DPY19L2: variants seen among roughly 807,000 people sequenced by gnomAD.
DPY19L2 encodes dpy-19 like 2, also known as probable C-mannosyltransferase DPY19L2.
A neutral mutation model predicts 97.9 loss-of-function variants in DPY19L2; 34 were observed. That is an observed-to-expected ratio of 0.35 (90% CI 0.26 to 0.46). The LOEUF is 0.46. Among genes scored for constraint, DPY19L2 ranks in the 20% least tolerant of loss-of-function variants. The probability of loss-of-function intolerance (pLI) is 1.00; values close to 1 mark genes in which losing one functional copy is unlikely to be tolerated. For missense variants in DPY19L2, 623 were observed against 911.4 expected (o/e 0.68, Z 4.07); for synonymous variants, 230 against 307.9 (o/e 0.75, Z 2.65).
chr12:63,626,452 CT>C lies in DPY19L2; in HGVS notation c.861+16del, dbSNP rs1565790642. Reference sequence around the variant, plus strand: ...AGCCTCTTCTATTTCTTAAAAATTGCTTTCTAGAAAACAAACCTCTCCATGG... The same window carrying C: ...AGCCTCTTCTATTTCTTAAAAATTGCTTCTAGAAAACAAACCTCTCCATGG... On this transcript the variant is annotated intron_variant, in intron 7 of 21. Transcript: ENST00000324472. 2 of 1,559,278 alleles carry C rather than the reference CT, an allele frequency of 1.3e-6. No homozygotes were observed. Among genetic ancestry groups the C allele is most frequent in the African/African-American group, 2.8e-5 (2 of 70,790 alleles).
chr12:63,614,895 T>TCCC (rs2137727313), intron 11 of DPY19L2, among the ~76,000 whole-genome samples: 1 of 152,130 alleles, frequency 6.6e-6, no homozygotes, highest in African/African-American at 2.4e-5. Context: ...CATCCTTGGG[T>TCCC]CCCAGACTGC....
At chr12:63,625,832 CTATACAACATTG>C (rs984275900) in intron 7 of DPY19L2, among the ~76,000 whole-genome samples, 1 of 151,838 alleles carries the variant, frequency 6.6e-6, no homozygotes, top group African/African-American at 2.4e-5. Flanking sequence ...TGGAGATCTG[CTATACAACATTG>C]TGTTAATACT....
chr12:63,578,419 C>T (rs1341526679), intron 19 of DPY19L2, among the ~76,000 whole-genome samples: 1 of 151,986 alleles, frequency 6.6e-6, no homozygotes, highest in Admixed American at 6.6e-5. Flanking sequence ...CTATAGTCAA[C>T]AAAATTTTAC....
chr12:63,574,326 T>C (rs972336199), intron 19 of DPY19L2, among the ~76,000 whole-genome samples: 1 of 151,486 alleles, frequency 6.6e-6, no homozygotes, highest in Non-Finnish European at 1.5e-5. Flanking sequence ...AAAATGGATG[T>C]ACAAAAAATA....
At chr12:63,628,024 A>C (rs1234082136) in intron 6 of DPY19L2, among the ~76,000 whole-genome samples, 1 of 152,204 alleles carries the variant, frequency 6.6e-6, no homozygotes, top group Non-Finnish European at 1.5e-5. Context: ...AGCAAGGACC[A>C]ATTGTCAATG....
chr12:63,623,050 T>C lies in DPY19L2; in HGVS notation c.953+990A>G, dbSNP rs555552994. Among the ~76,000 whole-genome samples the C allele has an allele frequency of 1.9e-3, 290 of 152,192 alleles. 1 individual carries two copies. The highest frequency in any genetic ancestry group is 6.5e-3 in the African/African-American group (270 of 41,534). Reference sequence around the variant, plus strand: ...CTCCCAGGGACTAGTAGGTGAAGAATGGGGTCCTCTGGGAGTTTGGAGGAG... The same window carrying C: ...CTCCCAGGGACTAGTAGGTGAAGAACGGGGTCCTCTGGGAGTTTGGAGGAG... On this transcript the variant is annotated intron_variant, in intron 8 of 21. Transcript: ENST00000324472.
chr12:63,630,246 G>A (rs1444729324), intron 6 of DPY19L2, among the ~76,000 whole-genome samples: 1 of 152,088 alleles, frequency 6.6e-6, no homozygotes, highest in Non-Finnish European at 1.5e-5. Context: ...TGGGCTAAAT[G>A]CTCCAATTAA....
intron 6 of DPY19L2, among the ~76,000 whole-genome samples, chr12:63,637,054 A>C (rs1319046341): frequency 1.3e-5 from 2 of 152,198 alleles, no homozygotes; most frequent in Non-Finnish European, 2.9e-5. Flanking sequence ...TCCTCAGCAA[A>C]TGTAAAAGAA....
Position 63,570,811 on chromosome 12 carries a change from C to T in DPY19L2, c.1947G>A (p.Leu649=). 1 of 1,610,062 alleles carries T rather than the reference C, an allele frequency of 6.2e-7. No homozygotes were observed. Among genetic ancestry groups the T allele is most frequent in the African/African-American group, 1.4e-5 (1 of 74,054 alleles). Residue 649 remains leucine (L), a synonymous_variant, in exon 20 of 22, where the codon CTG becomes CTA. Coordinates refer to ENST00000324472, the MANE Select transcript of DPY19L2 (RefSeq NM_173812.5). The part of the protein sequence containing the change: ...GAMPTMASIK[L]STLHPIVNHP... ...GATTCACAATGGGATGAAGTGTAGA[C>T]AGCTTGATGCTTGCCATTGTAGGCA...
Position 63,580,675 on chromosome 12 carries a change from G to A in DPY19L2, c.1887C>T (p.Tyr629=). 6.2e-7 allele frequency: 1 copy of A among 1,612,390 alleles called. No individual in the cohort carries two copies. Among genetic ancestry groups the A allele is most frequent in the Non-Finnish European group, 8.5e-7 (1 of 1,179,240 alleles). Residue 629 remains tyrosine, a synonymous_variant, in exon 19 of 22, where the codon TAC becomes TAT. Transcript: ENST00000324472. The part of the protein sequence containing the change: ...PQEELLQWIK[Y]STTSDAVFAG... ...ATACCTACACACCTGATGTGGTACT[G>A]TATTTGATCCACTGTAAAAGTTCTT... is the stretch of plus-strand genomic sequence containing the variant.
At chr12:63,660,270 T>C (rs1486243143) in intron 4 of DPY19L2, among the ~76,000 whole-genome samples, 1 of 152,036 alleles carries the variant, frequency 6.6e-6, no homozygotes, top group Admixed American at 6.5e-5. Flanking sequence ...AAATTGGAAA[T>C]AATATATTAA....
intron 19 of DPY19L2, among the ~76,000 whole-genome samples, chr12:63,578,426 T>C (rs1880273759): frequency 6.6e-6 from 1 of 152,116 alleles, no homozygotes. Context: ...CAACAAAATT[T>C]TACTGCACAT....
chr12:63,659,801 T>C (rs966716700), intron 4 of DPY19L2, among the ~76,000 whole-genome samples: 2 of 152,140 alleles, frequency 1.3e-5, no homozygotes, highest in African/African-American at 4.8e-5. Context: ...TATAGCTTCA[T>C]ACATTTGTCA....
chr12:63,608,730 T>C (rs1886466963), intron 11 of DPY19L2, 55 bp from the exon 12 acceptor site: 3 of 978,654 alleles, frequency 3.1e-6, no homozygotes, highest in Non-Finnish European at 3.1e-6. Context: ...CATTTATATT[T>C]TGTATAAATG....
chr12:63,667,907 C>T, intron 1 of DPY19L2, 150 bp downstream of exon 1: 1 of 902,112 alleles, frequency 1.1e-6, no homozygotes. Flanking sequence ...GGTTCAATGA[C>T]AAGATCTTTG....
chr12:63,614,145 G>A (rs1887474466), intron 11 of DPY19L2, among the ~76,000 whole-genome samples: 1 of 146,954 alleles, frequency 6.8e-6, no homozygotes, highest in Non-Finnish European at 1.5e-5. Flanking sequence ...AGCCAAGACT[G>A]CACCATTGCA....
chr12:63,663,555 A>G (rs1895958934), intron 3 of DPY19L2, among the ~76,000 whole-genome samples: 1 of 152,190 alleles, frequency 6.6e-6, no homozygotes, highest in South Asian at 2.1e-4. Context: ...CTTAAAAAGA[A>G]GTCTGCATTA....
At chr12:63,591,550 T>C (rs1446760770) in intron 16 of DPY19L2, among the ~76,000 whole-genome samples, 1 of 152,118 alleles carries the variant, frequency 6.6e-6, no homozygotes, top group East Asian at 1.9e-4. Flanking sequence ...TTCTTGAGTT[T>C]TGTAGCAATT....
chr12:63,583,291 CCAG>C (rs1346033254), intron 17 of DPY19L2, among the ~76,000 whole-genome samples: 1 of 152,176 alleles, frequency 6.6e-6, no homozygotes, highest in Non-Finnish European at 1.5e-5. Flanking sequence ...GGAAATATTT[CCAG>C]CCCACACTGA....
Sources: allele counts gnomAD v4.1 joint callset (sites outside exome capture counted in the v4.1 genomes callset), GRCh38; gene constraint gnomAD v4.1.1; transcripts MANE v1.5; gene names NCBI Gene and HGNC (gene_info 2026-07-23, HGNC 2026-07-21).